The following SPATS2L variants were observed in gnomAD, a reference collection of about 807,000 sequenced individuals.
SPATS2L encodes the protein SPATS2-like protein.
SPATS2L carries 30 observed loss-of-function variants against 59.6 expected under a neutral mutation model. The ratio of observed to expected loss-of-function variants is 0.50; its 90% CI spans 0.38 to 0.68. SPATS2L has a LOEUF of 0.68. Ranked by LOEUF, SPATS2L falls within the 30% of genes least tolerant of loss-of-function variation. SPATS2L has a pLI of 0.00. For synonymous variants in SPATS2L, 252 were observed against 263.5 expected (o/e 0.96, Z 0.42); for missense variants, 615 against 700.0 (o/e 0.88, Z 1.37).
Position 200,306,845 on chromosome 2 carries a change from C to T in SPATS2L, c.-150C>T, listed in dbSNP as rs2079030830. 1 of 980,662 alleles carries T rather than the reference C, an allele frequency of 1.0e-6. No individual in the cohort carries two copies. Among genetic ancestry groups the T allele is most frequent in the Non-Finnish European group, 1.2e-6 (1 of 828,110 alleles). 60.7% of individuals were successfully genotyped at this position (980,662 alleles called of 1,614,324 possible). A position where few individuals can be genotyped will look rare whatever the true frequency, so the allele number is the denominator to read the frequency against. ...TCCGAGCCGCAGGGGCCGCCACCGC[C>T]GCGGCGCCTCCCCTGGCGACCGCGC... On this transcript the variant is annotated 5_prime_UTR_variant, in exon 1 of 13. Transcript: ENST00000409140.
Position 200,478,152 on chromosome 2 carries a change from C to T in SPATS2L, c.*121C>T, listed in dbSNP as rs2087683118. The T allele has an allele frequency of 7.4e-6, 7 of 941,498 alleles. No individual in the cohort carries two copies. The highest frequency in any genetic ancestry group is 6.9e-5 in the Admixed American group (2 of 28,948). The allele number at this position is 941,498 out of a possible 1,614,324, so 58.3% of individuals were successfully genotyped here. A position where few individuals can be genotyped will look rare whatever the true frequency, so the allele number is the denominator to read the frequency against. ...AAATCCCGTATGGTTGTGTCATCCT[C>T]TCTTAATCATTTTTACTAATTCTAA... On this transcript the variant is annotated 3_prime_UTR_variant, in exon 13 of 13. Transcript: ENST00000409140.
intron 2 of SPATS2L, chr2:200,378,252 G>A: frequency 1.0e-6 from 1 of 1,002,566 alleles, no homozygotes; most frequent in Non-Finnish European, 1.2e-6. Context: ...ACTGGTCACA[G>A]TAAAAGCAAG....
intron 3 of SPATS2L, among the ~76,000 whole-genome samples, chr2:200,402,450 G>A (rs1386507824): frequency 6.6e-6 from 1 of 152,060 alleles, no homozygotes; most frequent in Non-Finnish European, 1.5e-5. Context: ...CTTCATAGAC[G>A]TTGTGCCCTC....
intron 8 of SPATS2L, among the ~76,000 whole-genome samples, chr2:200,448,730 G>A (rs2085234424): frequency 2.6e-5 from 4 of 152,120 alleles, no homozygotes. Context: ...CATAGAAAGA[G>A]AATTAAACTT....
intron 9 of SPATS2L, chr2:200,461,373 T>G (rs1387143371): frequency 1.3e-5 from 2 of 152,194 alleles, no homozygotes; most frequent in Non-Finnish European, 2.9e-5. Flanking sequence ...TATGCTGATT[T>G]CTAAACCTTT....
chr2:200,308,611 G>C (rs1175249995), intron 1 of SPATS2L, among the ~76,000 whole-genome samples: 1 of 152,010 alleles, frequency 6.6e-6, no homozygotes, highest in Non-Finnish European at 1.5e-5. Flanking sequence ...TTCTGTATCT[G>C]TGTGGCTTTA....
At chr2:200,340,213 G>A (rs972831421) in intron 2 of SPATS2L, among the ~76,000 whole-genome samples, 1 of 152,136 alleles carries the variant, frequency 6.6e-6, no homozygotes, top group African/African-American at 2.4e-5. Flanking sequence ...GAAGTATGCT[G>A]TGCTCGCAGA....
intron 1 of SPATS2L, among the ~76,000 whole-genome samples, chr2:200,326,544 G>A (rs1263259099): frequency 6.6e-6 from 1 of 152,104 alleles, no homozygotes; most frequent in East Asian, 1.9e-4. Flanking sequence ...TGTCCTCTTT[G>A]AGGTTTATGC....
At chr2:200,350,699 G>T (rs1308532183) in intron 2 of SPATS2L, among the ~76,000 whole-genome samples, 7 of 151,764 alleles carry the variant, frequency 4.6e-5, no homozygotes, top group Non-Finnish European at 7.4e-5. Context: ...ATGTTTTTTT[G>T]TTTGTTTGTT....
chr2:200,387,605 T>C (rs1319618875), intron 2 of SPATS2L, among the ~76,000 whole-genome samples: 1 of 152,194 alleles, frequency 6.6e-6, no homozygotes, highest in Admixed American at 6.5e-5. Flanking sequence ...ATTTAAGACG[T>C]AAGTGTAAAA....
intron 8 of SPATS2L, among the ~76,000 whole-genome samples, chr2:200,448,453 C>T (rs2106141186): frequency 6.6e-6 from 1 of 152,210 alleles, no homozygotes. Context: ...ACAACAAAAA[C>T]AAAACAACAA....
chr2:200,439,207 A>G lies in SPATS2L; in HGVS notation c.531A>G (p.Leu177=). The change falls in exon 7 of 13, where the codon CTA becomes CTG. Residue 177 remains leucine (L), a synonymous_variant. Transcript: ENST00000409140. ...GAACAACAGAGAGGTCAGATGGCCTACAGTGGTCAGCTGAGCAGCCTTGTA... is the reference window on the plus strand; with the variant it reads ...GAACAACAGAGAGGTCAGATGGCCTGCAGTGGTCAGCTGAGCAGCCTTGTA... ...IHGTTERSDG[L]QWSAEQPCNP... The G allele has an allele frequency of 1.2e-6, 2 of 1,613,688 alleles. No homozygotes were observed. The highest frequency in any genetic ancestry group is 1.1e-5 in the South Asian group (1 of 91,076).
At chr2:200,404,451 C>CT (rs1324811595) in intron 3 of SPATS2L, among the ~76,000 whole-genome samples, 1 of 152,202 alleles carries the variant, frequency 6.6e-6, no homozygotes, top group Non-Finnish European at 1.5e-5. Context: ...ATTCATTTCA[C>CT]TTTCCCTCAC....
At chr2:200,427,998 G>A (rs1372935236) in intron 6 of SPATS2L, among the ~76,000 whole-genome samples, 2 of 151,944 alleles carry the variant, frequency 1.3e-5, no homozygotes, top group Non-Finnish European at 2.9e-5. Context: ...CTTGAGCTGG[G>A]GGTCGAGGCC....
chr2:200,369,104 A>T (rs1238657333), intron 2 of SPATS2L, among the ~76,000 whole-genome samples: 1 of 149,944 alleles, frequency 6.7e-6, no homozygotes, highest in Admixed American at 6.6e-5. Flanking sequence ...GAAGAGAGTT[A>T]TGGCTGCAAA....
chr2:200,321,946 G>A (rs1005994213), intron 1 of SPATS2L, among the ~76,000 whole-genome samples: 9 of 152,164 alleles, frequency 5.9e-5, no homozygotes, highest in East Asian at 3.9e-4. Context: ...TGAAGCCAGC[G>A]TCAGATTTCA....
chr2:200,393,915 C>T lies in SPATS2L; in HGVS notation c.39+4632C>T, dbSNP rs1216690168. Among the ~76,000 whole-genome samples the T allele has an allele frequency of 3.9e-5, 6 of 152,124 alleles. No individual in the cohort carries two copies. In the East Asian group the frequency reaches 1.2e-3, roughly 29 times the overall value. On this transcript the variant is annotated intron_variant, in intron 3 of 12. Transcript: ENST00000409140. ...ATTACTTCATAAGAAGTGTTGGAAT[C>T]CAATGAGTTCATCAGCTGTCTCTAG...
In SPATS2L at chr2:200,308,754, C is replaced by T. The variant is rs572777337; in HGVS notation, c.-73+1832C>T. Reference sequence around the variant, plus strand: ...TAAAAACTGAACATCTGGGAAAAGACTGTATTAATTGGCAATTTTCTTTCT... The same window carrying T: ...TAAAAACTGAACATCTGGGAAAAGATTGTATTAATTGGCAATTTTCTTTCT... On this transcript the variant is annotated intron_variant, in intron 1 of 12. Coordinates refer to ENST00000409140, the MANE Select transcript of SPATS2L (RefSeq NM_001100423.2). The T allele has an allele frequency of 2.4e-5, 9 of 377,622 alleles. 1 individual carries two copies. The South Asian group carries it at 4.1e-4, about 17-fold the overall frequency. The allele number at this position is 377,622 out of a possible 1,614,324, so 23.4% of individuals were successfully genotyped here.
chr2:200,479,911 G>A lies in SPATS2L; in HGVS notation c.*1880G>A. On this transcript the variant is annotated 3_prime_UTR_variant, in exon 13 of 13. Transcript: ENST00000409140. ...ATTTAATAGAAATTCTTAACGTTAA[G>A]TCACATTCCAGGAAGGAAGGAAGAG... 1 of 396,802 alleles carries A rather than the reference G, an allele frequency of 2.5e-6. No homozygotes were observed. The highest frequency in any genetic ancestry group is 4.4e-6 in the Non-Finnish European group (1 of 225,494). The allele number at this position is 396,802 out of a possible 1,614,324, so 24.6% of individuals were successfully genotyped here. A position where few individuals can be genotyped will look rare whatever the true frequency, so the allele number is the denominator to read the frequency against.
Sources: allele counts gnomAD v4.1 joint callset (sites outside exome capture counted in the v4.1 genomes callset), GRCh38; gene constraint gnomAD v4.1.1; transcripts MANE v1.5; gene names NCBI Gene and HGNC (gene_info 2026-07-23, HGNC 2026-07-21).